The following DUOX1 variants were observed in gnomAD, a reference collection of about 807,000 sequenced individuals.
DUOX1 encodes dual oxidase 1.
In DUOX1, 134 loss-of-function variants were observed where a neutral mutation model predicts 181.8. That is an observed-to-expected ratio of 0.74 (90% CI 0.64 to 0.85). DUOX1 has a LOEUF of 0.85. DUOX1 is among the 40% of genes least tolerant of loss of function. The pLI, the probability that DUOX1 is intolerant of heterozygous loss-of-function variation, is 0.00. For synonymous variants in DUOX1, 798 were observed against 832.5 expected, an observed-to-expected ratio of 0.96 and a Z score of 0.71; for missense variants, 1,814 against 2,064.4, an observed-to-expected ratio of 0.88 and a Z score of 2.35.
intron 27 of DUOX1, among the ~76,000 whole-genome samples, chr15:45,154,595 GT>G (rs1193223968): frequency 0.028 from 3,953 of 139,902 alleles, 178 homozygotes; most frequent in African/African-American, 0.098. Flanking sequence ...ACACAGCATG[GT>G]TTTTTTTTTT....
chr15:45,156,056 C>G, intron 28 of DUOX1, 127 bp downstream of exon 28: 1 of 1,318,440 alleles, frequency 7.6e-7, no homozygotes. Flanking sequence ...TCTCGACGTC[C>G]CTCTTTGAAG....
chr15:45,139,269 G>A, intron 11 of DUOX1, 101 bp downstream of exon 11: 1 of 1,605,652 alleles, frequency 6.2e-7, no homozygotes, highest in Non-Finnish European at 8.5e-7. Flanking sequence ...CTGGGGCTGG[G>A]AGCCTGCACT....
chr15:45,161,888 T>G lies in DUOX1; in HGVS notation c.4007T>G (p.Ile1336Ser). ...CATGAGGACACGCTTAGCCTGCACA[T>G]CCGGGCAGCAGGGCCCTGGACCACT... ...APHEDTLSLH[I>S]RAAGPWTTRL... Residue 1336 changes from isoleucine (I) to serine (S), a missense_variant, in exon 30 of 34, where the codon ATC becomes AGC. Transcript: ENST00000389037. 1 of 1,613,540 alleles carries G rather than the reference T, an allele frequency of 6.2e-7. No homozygotes were observed. Among genetic ancestry groups the G allele is most frequent in the Non-Finnish European group, 8.5e-7 (1 of 1,179,922 alleles).
At chr15:45,136,679 A>G in intron 9 of DUOX1, 54 bp downstream of exon 9, 1 of 1,572,072 alleles carries the variant, frequency 6.4e-7, no homozygotes, top group Non-Finnish European at 8.7e-7. Context: ...CTGTCAACTG[A>G]GGAAAATCTG....
chr15:45,134,393 A>C lies in DUOX1; in HGVS notation c.307+84A>C, dbSNP rs535792145. ...GTGAAGAGGGGTCAGAGGATGAGAG[A>C]GAAGTGATGGAAGGCCTAAGGGATG... On this transcript the variant is annotated intron_variant, in intron 4 of 33. Coordinates refer to ENST00000389037, the MANE Select transcript of DUOX1 (RefSeq NM_175940.3). 65 of 1,436,910 alleles carry C rather than the reference A, an allele frequency of 4.5e-5. No homozygotes were observed. The African/African-American group carries it at 8.5e-4, about 19-fold the overall frequency. The allele number at this position is 1,436,910 out of a possible 1,614,324, so 89.0% of individuals were successfully genotyped here.
rs1255244696 is a variant in DUOX1, at chr15:45,148,396, A to C, written c.2767A>C (p.Met923Leu). Reference protein sequence around the residue: ...EELTWEDFHFMLRDHNSELRF... With the variant: ...EELTWEDFHFLLRDHNSELRF... ...ACTGACATGGGAAGATTTTCACTTCATGCTGCGGGACCACAATAGCGAGCT... is the reference window on the plus strand; with the variant it reads ...ACTGACATGGGAAGATTTTCACTTCCTGCTGCGGGACCACAATAGCGAGCT... Residue 923 changes from methionine (M) to leucine (L), a missense_variant, in exon 21 of 34, where the codon ATG becomes CTG. Coordinates refer to ENST00000389037, the MANE Select transcript of DUOX1 (RefSeq NM_175940.3). 5.6e-6 allele frequency: 9 copies of C among 1,614,084 alleles called. No homozygotes were observed. The highest frequency in any genetic ancestry group is 7.6e-6 in the Non-Finnish European group (9 of 1,180,038).
At position 45,136,524 on chromosome 15, in the gene DUOX1, C is replaced by T. The variant is rs772473653; in HGVS notation, c.926-5C>T. 2 of 1,614,124 alleles carry T rather than the reference C, an allele frequency of 1.2e-6. No individual in the cohort carries two copies. Among genetic ancestry groups the T allele is most frequent in the Admixed American group, 1.7e-5 (1 of 60,024 alleles). ...CTTCTGTCCTCTCTTCTCCTATTTC[C>T]CCAGGATACCGGCCATTTCTGGACC... On this transcript the variant is annotated splice_region_variant and splice_polypyrimidine_tract_variant and intron_variant, in intron 8 of 33. Transcript: ENST00000389037.
chr15:45,147,912 G>C lies in DUOX1; in HGVS notation c.2557G>C (p.Glu853Gln), dbSNP rs756631385. The C allele has an allele frequency of 6.2e-7, 1 of 1,614,042 alleles. No individual in the cohort carries two copies. The highest frequency in any genetic ancestry group is 8.5e-7 in the Non-Finnish European group (1 of 1,179,862). ...ILVVFMKGSP[E>Q]EKSRLMFRMY... ...AGTCCTCCCTCTCCCAGGCTCTCCTGAGGAAAAGTCTCGCCTTATGTTCCG... is the reference window on the plus strand; with the variant it reads ...AGTCCTCCCTCTCCCAGGCTCTCCTCAGGAAAAGTCTCGCCTTATGTTCCG... Residue 853 changes from glutamate (E) to glutamine (Q), a missense_variant, in exon 20 of 34, where the codon GAG becomes CAG. Physicochemically the swap from Glu to Gln is conservative, Grantham distance 29. Coordinates refer to ENST00000389037, the MANE Select transcript of DUOX1 (RefSeq NM_175940.3).
intron 13 of DUOX1, 46 bp downstream of exon 13, chr15:45,141,116 C>T (rs1166502435): frequency 3.1e-6 from 5 of 1,608,672 alleles, no homozygotes; most frequent in Non-Finnish European, 4.3e-6. Flanking sequence ...TCGGCCTGGG[C>T]CCCAGACCCT....
At chr15:45,164,022 ACCCATCCC>A in intron 33 of DUOX1, 104 bp downstream of exon 33, 1 of 1,508,342 alleles carries the variant, frequency 6.6e-7, no homozygotes, top group Non-Finnish European at 9.0e-7. Context: ...GCTGATGAGA[ACCCATCCC>A]CTGGGAGATT....
Position 45,164,837 on chromosome 15 carries a change from A to T in DUOX1, c.4592A>T (p.Lys1531Met). 1.9e-6 allele frequency: 3 copies of T among 1,614,044 alleles called. No individual in the cohort carries two copies. The highest frequency in any genetic ancestry group is 2.5e-6 in the Non-Finnish European group (3 of 1,179,920). The change falls in exon 34 of 34, where the codon AAG becomes ATG. Residue 1531 changes from lysine to methionine, a missense_variant. By Grantham distance (95) the Lys-to-Met change is moderately conservative. This residue lies in a region of DUOX1 where 124 missense variants were observed against 125.7 expected (regional missense o/e 0.99). Coordinates refer to ENST00000389037, the MANE Select transcript of DUOX1 (RefSeq NM_175940.3). ...GPPGMTKNVE[K>M]ACQLINRQDR... ...CCTGGCATGACCAAGAATGTGGAAAAGGCCTGTCAGCTCATCAACAGGCAG... is the reference window on the plus strand; with the variant it reads ...CCTGGCATGACCAAGAATGTGGAAATGGCCTGTCAGCTCATCAACAGGCAG...
rs377215536 is a variant in DUOX1, at chr15:45,153,936, G to C, written c.3525-15G>C. The C allele has an allele frequency of 2.4e-5, 39 of 1,609,446 alleles. No individual in the cohort carries two copies. Among genetic ancestry groups the C allele is most frequent in the Non-Finnish European group, 3.2e-5 (38 of 1,176,428 alleles). ...TCTCCTCTCAAGGTGTCTCTTTGCT[G>C]TCCCTTCCACACAGGTCTGAGCTCC... On this transcript the variant is annotated splice_polypyrimidine_tract_variant and intron_variant, in intron 26 of 33. Transcript: ENST00000389037.
intron 21 of DUOX1, among the ~76,000 whole-genome samples, chr15:45,149,469 G>A (rs1896750245): frequency 6.6e-6 from 1 of 152,224 alleles, no homozygotes; most frequent in African/African-American, 2.4e-5. Context: ...CAGGCTTGGG[G>A]ATTGAGGAAG....
chr15:45,157,726 T>C (rs1896998343), intron 28 of DUOX1, among the ~76,000 whole-genome samples: 1 of 150,572 alleles, frequency 6.6e-6, no homozygotes, highest in Middle Eastern at 3.4e-3. Context: ...GGCTGAGGCA[T>C]GAGAATCGCT....
rs752062524 is a variant in DUOX1 at position 45,141,971 on chromosome 15, C to T, written c.1685-4C>T. ...CAGGACGCTGGCTTCCTCTGCCTTCCCAGGAGACCCCTGTCCGCAGCCGAG... is the reference window on the plus strand; with the variant it reads ...CAGGACGCTGGCTTCCTCTGCCTTCTCAGGAGACCCCTGTCCGCAGCCGAG... On this transcript the variant is annotated splice_polypyrimidine_tract_variant and splice_region_variant and intron_variant, in intron 14 of 33. Transcript: ENST00000389037. 87 of 1,608,498 alleles carry T rather than the reference C, an allele frequency of 5.4e-5. No homozygotes were observed. Among genetic ancestry groups the T allele is most frequent in the Non-Finnish European group, 7.0e-5 (83 of 1,177,602 alleles).
Position 45,153,957 on chromosome 15 carries a change from GC to G in DUOX1, c.3532del (p.Leu1178SerfsTer23). On this transcript the variant is annotated frameshift_variant, in exon 27 of 34. Transcript: ENST00000389037. LOFTEE classifies it high-confidence loss of function. ...TGCTGTCCCTTCCACACAGGTCTGA[GC>G]TCCCCCAGAAGTATTACTGGTGGTT... is the stretch of plus-strand genomic sequence containing the variant. ...PGLFHDDGSE[L>X]PQKYYWWFFQ... The G allele has an allele frequency of 6.2e-7, 1 of 1,612,880 alleles. No individual in the cohort carries two copies. The highest frequency in any genetic ancestry group is 8.5e-7 in the Non-Finnish European group (1 of 1,179,192).
intron 27 of DUOX1, 32 bp from the exon 28 acceptor site, chr15:45,155,770 C>T: frequency 6.2e-7 from 1 of 1,612,564 alleles, no homozygotes; most frequent in East Asian, 2.2e-5. Context: ...AGGCACTGAT[C>T]TTCTGCCTTC....
At chr15:45,131,666 T>G in intron 1 of DUOX1, 1 of 418,958 alleles carries the variant, frequency 2.4e-6, no homozygotes, top group Non-Finnish European at 4.4e-6. Flanking sequence ...CATGAAGGTA[T>G]GTACCAGGGA....
chr15:45,136,506 C>G (rs1304248605), intron 8 of DUOX1, 23 bp from the exon 9 acceptor site: 2 of 1,613,938 alleles, frequency 1.2e-6, no homozygotes, highest in African/African-American at 1.3e-5. Context: ...ATTCTTCTGT[C>G]CTCTCTTCTC....
Sources: allele counts gnomAD v4.1 joint callset (sites outside exome capture counted in the v4.1 genomes callset), GRCh38; gene constraint gnomAD v4.1.1; regional missense constraint gnomAD v4.1.1; transcripts MANE v1.5; gene names NCBI Gene and HGNC (gene_info 2026-07-23, HGNC 2026-07-21).